Variants in ADAM12 observed in about 807,000 individuals in gnomAD.
ADAM12 encodes the protein ADAM metallopeptidase domain 12, also known as disintegrin and metalloproteinase domain-containing protein 12.
In ADAM12, 70 loss-of-function variants were observed where a neutral mutation model predicts 106.4. The ratio of observed to expected loss-of-function variants is 0.66; its 90% CI spans 0.54 to 0.80. ADAM12 has a LOEUF of 0.80. Among genes scored for constraint, ADAM12 ranks in the 30% least tolerant of loss-of-function variants. ADAM12 has a pLI of 0.00. For synonymous variants in ADAM12, 420 were observed against 433.5 expected, an observed-to-expected ratio of 0.97 and a Z score of 0.39; for missense variants, 1,010 against 1,171.9, an observed-to-expected ratio of 0.86 and a Z score of 2.02.
intron 4 of ADAM12, among the ~76,000 whole-genome samples, chr10:126,148,514 T>A (rs1320894066): frequency 1.3e-5 from 2 of 152,186 alleles, no homozygotes; most frequent in Non-Finnish European, 2.9e-5. Context: ...TCACTCCCTG[T>A]CTTTACTGTA....
intron 1 of ADAM12, among the ~76,000 whole-genome samples, chr10:126,387,840 C>T (rs1299452021): frequency 6.6e-6 from 1 of 150,406 alleles, no homozygotes; most frequent in African/African-American, 2.5e-5. Flanking sequence ...GGTACTGGCT[C>T]CTGTGGGGCT....
At chr10:126,366,693 T>C (rs928800401) in intron 1 of ADAM12, among the ~76,000 whole-genome samples, 1 of 152,028 alleles carries the variant, frequency 6.6e-6, no homozygotes, top group African/African-American at 2.4e-5. Context: ...TGAGCATAAA[T>C]ATAGATATAC....
At chr10:126,113,716 ATATATATATATATAT>A (rs1565067773) in intron 6 of ADAM12, among the ~76,000 whole-genome samples, 2,914 of 83,122 alleles carry the variant, frequency 0.035, 242 homozygotes, top group South Asian at 0.068. Flanking sequence ...ATATATATAT[ATATATATATATATAT>A]AATATATTGC....
intron 1 of ADAM12, among the ~76,000 whole-genome samples, chr10:126,356,857 G>C (rs543680986): frequency 6.6e-6 from 1 of 152,258 alleles, no homozygotes; most frequent in South Asian, 2.1e-4. Flanking sequence ...GCAATAGAAA[G>C]CTTCAACAGC....
At chr10:126,255,824 A>G (rs1958880379) in intron 3 of ADAM12, among the ~76,000 whole-genome samples, 1 of 152,200 alleles carries the variant, frequency 6.6e-6, no homozygotes, top group Non-Finnish European at 1.5e-5. Flanking sequence ...CAGAGGCAGC[A>G]GACAGCCGAG....
chr10:126,239,672 G>A (rs1381395554), intron 3 of ADAM12, among the ~76,000 whole-genome samples: 1 of 152,100 alleles, frequency 6.6e-6, no homozygotes, highest in Non-Finnish European at 1.5e-5. Flanking sequence ...CTTTATTGTC[G>A]GATCTAAGGA....
chr10:126,227,618 T>A (rs1326244086), intron 3 of ADAM12, among the ~76,000 whole-genome samples: 2 of 152,112 alleles, frequency 1.3e-5, no homozygotes, highest in Non-Finnish European at 2.9e-5. Context: ...CCCCAGTGCT[T>A]TGCAGGCATG....
At position 126,040,372 on chromosome 10, in the gene ADAM12, G is replaced by A. The variant is rs114839903; in HGVS notation, c.2105-943C>T. Among the ~76,000 whole-genome samples, 627 of 152,254 alleles carry A rather than the reference G, an allele frequency of 4.1e-3. 1 individual carries two copies. The highest frequency in any genetic ancestry group is 0.014 in the African/African-American group (582 of 41,550). ...CAGTCCTTTCCGGCTGCTGGTGATC[G>A]CCGTGATGCAGTTACCTGGGCTCTC... On this transcript the variant is annotated intron_variant, in intron 18 of 22. Coordinates refer to ENST00000448723, the MANE Select transcript of ADAM12 (RefSeq NM_001288973.2).
At chr10:126,249,334 G>A (rs1371429529) in intron 3 of ADAM12, among the ~76,000 whole-genome samples, 1 of 152,182 alleles carries the variant, frequency 6.6e-6, no homozygotes, top group African/African-American at 2.4e-5. Context: ...GTGGGGGTTG[G>A]TGGTGATGGG....
intron 3 of ADAM12, among the ~76,000 whole-genome samples, chr10:126,262,247 A>G (rs1206550584): frequency 6.6e-6 from 1 of 152,212 alleles, no homozygotes; most frequent in Non-Finnish European, 1.5e-5. Context: ...TTACAAATAC[A>G]TTCTGAGAAA....
At chr10:126,165,110 C>T (rs936267578) in intron 3 of ADAM12, among the ~76,000 whole-genome samples, 2 of 152,176 alleles carry the variant, frequency 1.3e-5, no homozygotes, top group African/African-American at 4.8e-5. Flanking sequence ...CCCTCATCAT[C>T]TTGCCATCTT....
intron 3 of ADAM12, among the ~76,000 whole-genome samples, chr10:126,216,860 G>C (rs898790412): frequency 1.3e-5 from 2 of 152,198 alleles, no homozygotes; most frequent in African/African-American, 4.8e-5. Context: ...TGATCCATGA[G>C]GTACCCCCAA....
At chr10:126,079,414 G>A (rs1378250053) in intron 11 of ADAM12, among the ~76,000 whole-genome samples, 3 of 152,104 alleles carry the variant, frequency 2.0e-5, no homozygotes, top group South Asian at 4.2e-4. Context: ...TCATGTACAC[G>A]GAATCCTACA....
At position 126,169,218 on chromosome 10, in the gene ADAM12, C is replaced by T. The variant is rs117487494; in HGVS notation, c.261-13913G>A. On this transcript the variant is annotated intron_variant, in intron 3 of 22. Transcript: ENST00000448723. ...AACATTCTTCCCACTTTCTCTGCCTCGCCAACTCTTAGTAACCCCCATCCA... is the reference window on the plus strand; with the variant it reads ...AACATTCTTCCCACTTTCTCTGCCTTGCCAACTCTTAGTAACCCCCATCCA... Among the ~76,000 whole-genome samples the T allele has an allele frequency of 3.2e-3, 489 of 152,320 alleles. 16 individuals carry two copies. In the East Asian group the frequency reaches 0.06, roughly 19 times the overall value.
At chr10:126,130,443 C>T (rs916304690) in intron 5 of ADAM12, among the ~76,000 whole-genome samples, 3 of 152,184 alleles carry the variant, frequency 2.0e-5, no homozygotes, top group African/African-American at 7.2e-5. Flanking sequence ...TCCTCATCAC[C>T]ATTCCCATTC....
At chr10:126,047,940 C>T (rs1264794394) in intron 16 of ADAM12, among the ~76,000 whole-genome samples, 3 of 152,172 alleles carry the variant, frequency 2.0e-5, no homozygotes, top group Non-Finnish European at 4.4e-5. Context: ...GGTACATATA[C>T]ACCATGGAAT....
In ADAM12 at chr10:126,155,242, G is replaced by A. The variant is rs147574370; in HGVS notation, c.324C>T (p.Leu108=). Residue 108 remains leucine (L), a synonymous_variant, in exon 4 of 23, where the codon CTC becomes CTT. Coordinates refer to ENST00000448723, the MANE Select transcript of ADAM12 (RefSeq NM_001288973.2). ...CCAGAATTACCGTGTAATTTCGAGC[G>A]AGGGAGACATCAGTACCGTCTTGCA... ...HYLQDGTDVS[L]ARNYTGHCYY... is the part of the protein sequence containing the mutation. 2.6e-5 allele frequency: 42 copies of A among 1,614,006 alleles called. No homozygotes were observed. The Admixed American group carries it at 2.7e-4, about 10-fold the overall frequency.
chr10:126,288,266 G>A (rs1296210346), intron 2 of ADAM12, among the ~76,000 whole-genome samples: 1 of 152,214 alleles, frequency 6.6e-6, no homozygotes, highest in Non-Finnish European at 1.5e-5. Flanking sequence ...CTTCTGAGGA[G>A]AGTAGGCAGG....
At chr10:126,296,215 C>T (rs772672459) in intron 2 of ADAM12, among the ~76,000 whole-genome samples, 5 of 152,134 alleles carry the variant, frequency 3.3e-5, no homozygotes, top group African/African-American at 4.8e-5. Context: ...AATCATGGCT[C>T]ACTGCCACTT....
Sources: gnomAD v4.1 joint callset for allele counts (sites outside exome capture counted in the v4.1 genomes callset) on GRCh38, gnomAD v4.1.1 for gene constraint, MANE v1.5 for transcripts, NCBI Gene and HGNC (gene_info 2026-07-23, HGNC 2026-07-21) for gene names.